Variants in LRRTM4 observed in about 807,000 individuals in gnomAD.
The protein encoded by LRRTM4 is leucine-rich repeat transmembrane neuronal protein 4.
A neutral mutation model predicts 47.6 loss-of-function variants in LRRTM4; 25 were observed. The ratio of observed to expected loss-of-function variants is 0.53; its 90% confidence interval spans 0.38 to 0.73. LRRTM4 has a LOEUF of 0.73. Among genes scored for constraint, LRRTM4 ranks in the 30% least tolerant of loss-of-function variants. The probability of loss-of-function intolerance (pLI) is 0.00; values close to 1 mark genes in which losing one functional copy is unlikely to be tolerated. For synonymous variants in LRRTM4, 311 were observed against 269.5 expected, an observed-to-expected ratio of 1.15 and a Z score of -1.51; for missense variants, 638 against 713.4, an observed-to-expected ratio of 0.89 and a Z score of 1.20.
intron 3 of LRRTM4, among the ~76,000 whole-genome samples, chr2:76,918,520 G>A (rs781687464): frequency 3.9e-5 from 6 of 152,240 alleles, no homozygotes; most frequent in East Asian, 1.9e-4. Flanking sequence ...CACATAGGCC[G>A]TATTAATGAG....
intron 3 of LRRTM4, among the ~76,000 whole-genome samples, chr2:76,915,363 A>G (rs1024805916): frequency 1.3e-5 from 2 of 152,206 alleles, no homozygotes; most frequent in African/African-American, 4.8e-5. Flanking sequence ...CATTCTGGGT[A>G]AAGTTGTGGC....
intron 3 of LRRTM4, among the ~76,000 whole-genome samples, chr2:77,076,206 T>C (rs546200484): frequency 6.6e-6 from 1 of 152,300 alleles, no homozygotes; most frequent in South Asian, 2.1e-4. Flanking sequence ...GTTACCATAC[T>C]TAGCAGAACT....
chr2:77,387,395 GC>G (rs1426376141), intron 3 of LRRTM4, among the ~76,000 whole-genome samples: 2 of 152,122 alleles, frequency 1.3e-5, no homozygotes, highest in African/African-American at 2.4e-5. Flanking sequence ...TGTCTTCTGA[GC>G]AAAGGGCAGG....
chr2:77,307,376 A>G (rs1279456128), intron 3 of LRRTM4, among the ~76,000 whole-genome samples: 1 of 151,248 alleles, frequency 6.6e-6, no homozygotes, highest in Non-Finnish European at 1.5e-5. Context: ...AGGAATTCAC[A>G]CATTCATTAA....
intron 3 of LRRTM4, among the ~76,000 whole-genome samples, chr2:76,784,611 G>T (rs1339452016): frequency 6.6e-6 from 1 of 152,012 alleles, no homozygotes; most frequent in East Asian, 1.9e-4. Flanking sequence ...CACTTAAGTT[G>T]TATTTACTAT....
At chr2:77,453,687 A>C (rs1676353537) in intron 3 of LRRTM4, among the ~76,000 whole-genome samples, 1 of 151,994 alleles carries the variant, frequency 6.6e-6, no homozygotes, top group African/African-American at 2.4e-5. Context: ...TTTTTTAGCT[A>C]GTCAATATTT....
At chr2:76,890,899 G>T (rs183220858) in intron 3 of LRRTM4, among the ~76,000 whole-genome samples, 2 of 151,972 alleles carry the variant, frequency 1.3e-5, no homozygotes, top group East Asian at 3.9e-4. Flanking sequence ...GTACAGAGGC[G>T]TAACAGTTGC....
intron 3 of LRRTM4, among the ~76,000 whole-genome samples, chr2:77,173,544 C>T (rs917175059): frequency 3.9e-5 from 6 of 152,122 alleles, no homozygotes; most frequent in East Asian, 3.9e-4. Flanking sequence ...GTGATTTGAA[C>T]GGTCTTTATT....
chr2:77,228,565 G>C (rs1204250279), intron 3 of LRRTM4, among the ~76,000 whole-genome samples: 1 of 152,160 alleles, frequency 6.6e-6, no homozygotes, highest in African/African-American at 2.4e-5. Flanking sequence ...GGGAAATCTT[G>C]CTGCCAGTTT....
intron 3 of LRRTM4, among the ~76,000 whole-genome samples, chr2:77,017,068 A>G (rs563062037): frequency 6.6e-6 from 1 of 152,314 alleles, no homozygotes; most frequent in African/African-American, 2.4e-5. Flanking sequence ...GAGGGAAAAG[A>G]AGCAACACCT....
chr2:77,031,597 T>C (rs1356423238), intron 3 of LRRTM4, among the ~76,000 whole-genome samples: 1 of 152,114 alleles, frequency 6.6e-6, no homozygotes, highest in East Asian at 1.9e-4. Context: ...TATTTAGTCC[T>C]AGGATCGCTT....
At chr2:77,104,465 T>C (rs141130362) in intron 3 of LRRTM4, among the ~76,000 whole-genome samples, 25 of 152,200 alleles carry the variant, frequency 1.6e-4, no homozygotes, top group African/African-American at 5.8e-4. Context: ...AGTGGTGATA[T>C]AGATTTTAAT....
At chr2:76,812,302 G>A (rs1364608943) in intron 3 of LRRTM4, among the ~76,000 whole-genome samples, 1 of 152,090 alleles carries the variant, frequency 6.6e-6, no homozygotes, top group Non-Finnish European at 1.5e-5. Flanking sequence ...TTATGTATAT[G>A]CCTGGCACTA....
chr2:77,114,392 T>C (rs148451186), intron 3 of LRRTM4, among the ~76,000 whole-genome samples: 37 of 152,264 alleles, frequency 2.4e-4, no homozygotes, highest in African/African-American at 7.9e-4. Context: ...GAGTTTAATA[T>C]AGCAGAGATG....
intron 3 of LRRTM4, among the ~76,000 whole-genome samples, chr2:76,946,097 G>A (rs1181231640): frequency 6.6e-6 from 1 of 151,792 alleles, no homozygotes; most frequent in South Asian, 2.1e-4. Flanking sequence ...GGATAATAAT[G>A]CCTTAAAAGT....
intron 3 of LRRTM4, among the ~76,000 whole-genome samples, chr2:76,930,809 AG>A (rs1172182788): frequency 6.6e-6 from 1 of 152,166 alleles, no homozygotes; most frequent in East Asian, 1.9e-4. Context: ...ATTGCCTAGG[AG>A]GTACAATGAT....
At chr2:76,962,221 A>G (rs574068271) in intron 3 of LRRTM4, among the ~76,000 whole-genome samples, 2 of 151,432 alleles carry the variant, frequency 1.3e-5, no homozygotes, top group Non-Finnish European at 3.0e-5. Flanking sequence ...TGAAAGATAA[A>G]TAAAAATTTC....
Position 76,775,477 on chromosome 2 carries a change from G to A in LRRTM4, c.1552-26561C>T, listed in dbSNP as rs1052668362. 2.6e-5 allele frequency among the ~76,000 whole-genome samples: 4 copies of A among 152,096 alleles called. No individual in the cohort carries two copies. In the South Asian group the frequency reaches 6.2e-4, roughly 24 times the overall value. ...TGTTCAATATCAAAAGAACTCTAAA[G>A]GGCAATTATATACTGGAAAGGTATT... On this transcript the variant is annotated intron_variant, in intron 3 of 3. Transcript: ENST00000409884.
chr2:76,985,424 A>AC (rs1676759858), intron 3 of LRRTM4, among the ~76,000 whole-genome samples: 2 of 151,958 alleles, frequency 1.3e-5, no homozygotes, highest in Non-Finnish European at 2.9e-5. Context: ...GTCTGCTAAC[A>AC]CCACAGAAAA....
Sources: gnomAD v4.1 joint callset for allele counts (sites outside exome capture counted in the v4.1 genomes callset) on GRCh38, gnomAD v4.1.1 for gene constraint, MANE v1.5 for transcripts, NCBI Gene and HGNC (gene_info 2026-07-23, HGNC 2026-07-21) for gene names.